The following AGO3 variants were observed in gnomAD, a reference collection of about 807,000 sequenced individuals.
AGO3 encodes argonaute RISC catalytic component 3, also known as protein argonaute-3.
A neutral mutation model predicts 105.5 loss-of-function variants in AGO3; 16 were observed. The observed-to-expected ratio is 0.15, with a 90% CI of 0.10 to 0.23. The LOEUF (loss-of-function observed/expected upper bound fraction) is 0.23. Ranked by LOEUF, AGO3 falls within the 10% of genes least tolerant of loss-of-function variation. The pLI is 1.00. For synonymous variants in AGO3, 340 were observed against 367.3 expected, an observed-to-expected ratio of 0.93 and a Z score of 0.85; for missense variants, 534 against 1,088.0, an observed-to-expected ratio of 0.49 and a Z score of 7.16.
chr1:36,047,340 A>T (rs1186523128), intron 17 of AGO3, among the ~76,000 whole-genome samples: 1 of 152,102 alleles, frequency 6.6e-6, no homozygotes, highest in Non-Finnish European at 1.5e-5. Flanking sequence ...CAGCTGAAGA[A>T]TTCAATGGAA....
At chr1:36,053,210 G>T (rs544826634) in intron 17 of AGO3, among the ~76,000 whole-genome samples, 1 of 151,328 alleles carries the variant, frequency 6.6e-6, no homozygotes, top group South Asian at 2.1e-4. Context: ...ATATTTCTCC[G>T]ATATATTTAA....
rs1214449586 is a variant in AGO3 at position 35,932,660 on chromosome 1, G to A, written c.19+1215G>A. ...CCATTGTTTCGCTTTCCCCCATATC[G>A]TCTTAAAAGGTCTGTCTGGATTGTG... On this transcript the variant is annotated intron_variant, in intron 1 of 18. Transcript: ENST00000373191. 1.3e-5 allele frequency among the ~76,000 whole-genome samples: 2 copies of A among 149,320 alleles called. 1 individual carries two copies. The highest frequency in any genetic ancestry group is 1.3e-4 in the Admixed American group (2 of 14,874).
At chr1:35,939,419 GA>G (rs1192744145) in intron 1 of AGO3, among the ~76,000 whole-genome samples, 1 of 152,146 alleles carries the variant, frequency 6.6e-6, no homozygotes, top group African/African-American at 2.4e-5. Flanking sequence ...GGGTTTTAGA[GA>G]CAGATTCTGG....
intron 4 of AGO3, among the ~76,000 whole-genome samples, chr1:35,972,568 A>G (rs1571451955): frequency 6.6e-6 from 1 of 152,200 alleles, no homozygotes; most frequent in South Asian, 2.1e-4. Context: ...CACTGTTTAT[A>G]CAACAATATC....
chr1:36,047,252 A>G (rs1340275183), intron 17 of AGO3, among the ~76,000 whole-genome samples: 1 of 152,088 alleles, frequency 6.6e-6, no homozygotes, highest in East Asian at 1.9e-4. Flanking sequence ...TAAAAAAAAG[A>G]TCGGGAAAGC....
chr1:36,032,111 A>G (rs944255476), intron 12 of AGO3, among the ~76,000 whole-genome samples: 2 of 151,824 alleles, frequency 1.3e-5, no homozygotes, highest in African/African-American at 4.8e-5. Flanking sequence ...TCTATTTTTA[A>G]TTTTCTGAGG....
intron 5 of AGO3, among the ~76,000 whole-genome samples, chr1:35,976,930 G>C (rs893681250): frequency 1.3e-5 from 2 of 152,088 alleles, no homozygotes; most frequent in African/African-American, 4.8e-5. Context: ...AAATAGTATT[G>C]ATATTATCAG....
At chr1:36,012,255 G>T (rs1233301391) in intron 9 of AGO3, among the ~76,000 whole-genome samples, 1 of 151,288 alleles carries the variant, frequency 6.6e-6, no homozygotes, top group Non-Finnish European at 1.5e-5. Flanking sequence ...GATCGCTTGG[G>T]CCCCAGGAGA....
intron 2 of AGO3, among the ~76,000 whole-genome samples, chr1:35,962,572 A>G (rs1254535769): frequency 6.6e-6 from 1 of 151,872 alleles, no homozygotes; most frequent in Non-Finnish European, 1.5e-5. Context: ...AAGAAAGAAA[A>G]CATCTTGTAC....
At chr1:35,937,271 C>T (rs1321476759) in intron 1 of AGO3, among the ~76,000 whole-genome samples, 5 of 151,682 alleles carry the variant, frequency 3.3e-5, no homozygotes, top group Admixed American at 6.6e-5. Flanking sequence ...GGCATAGTGG[C>T]GGGTGCCTGT....
At chr1:36,003,709 A>AAAAATATATATATATAT (rs1295618675) in intron 5 of AGO3, among the ~76,000 whole-genome samples, 2 of 99,426 alleles carry the variant, frequency 2.0e-5, no homozygotes, top group South Asian at 7.6e-4. Flanking sequence ...AAAAAAAAAA[A>AAAAATATATATATATAT]ATATATATAT....
intron 5 of AGO3, among the ~76,000 whole-genome samples, chr1:36,003,709 A>AAAAAAAATATATATATATATATATAT (rs1295618675): frequency 1.0e-5 from 1 of 99,446 alleles, no homozygotes; most frequent in Non-Finnish European, 1.9e-5. Context: ...AAAAAAAAAA[A>AAAAAAAATATATATATATATATATAT]ATATATATAT....
At chr1:35,999,767 T>C (rs1322249988) in intron 5 of AGO3, among the ~76,000 whole-genome samples, 3 of 152,212 alleles carry the variant, frequency 2.0e-5, no homozygotes, top group African/African-American at 7.2e-5. Context: ...AGATTTTTAT[T>C]GGGTTTTCTA....
intron 1 of AGO3, among the ~76,000 whole-genome samples, chr1:35,935,871 A>T (rs900105438): frequency 3.3e-5 from 5 of 152,254 alleles, no homozygotes; most frequent in Admixed American, 6.5e-5. Context: ...CTAGAATCTT[A>T]AAAAGTAATT....
chr1:35,937,344 A>G (rs891768527), intron 1 of AGO3, among the ~76,000 whole-genome samples: 8 of 151,512 alleles, frequency 5.3e-5, no homozygotes, highest in Non-Finnish European at 1.2e-4. Flanking sequence ...TGGACATTGC[A>G]GTGAGTTGAG....
intron 3 of AGO3, among the ~76,000 whole-genome samples, chr1:35,969,667 T>C (rs1028022501): frequency 1.3e-5 from 2 of 152,174 alleles, no homozygotes; most frequent in African/African-American, 4.8e-5. Context: ...ACAATGGGGA[T>C]ATGCTCTGCG....
At chr1:36,003,709 A>AAAAAATATATATATAT (rs1295618675) in intron 5 of AGO3, among the ~76,000 whole-genome samples, 2 of 99,440 alleles carry the variant, frequency 2.0e-5, no homozygotes, top group Non-Finnish European at 1.9e-5. Context: ...AAAAAAAAAA[A>AAAAAATATATATATAT]ATATATATAT....
At chr1:35,991,535 TTATA>T (rs138153778) in intron 5 of AGO3, among the ~76,000 whole-genome samples, 22 of 145,758 alleles carry the variant, frequency 1.5e-4, no homozygotes, top group African/African-American at 5.3e-4. Context: ...GGAGCAAATT[TTATA>T]TATATATATA....
At chr1:35,973,618 T>G in intron 5 of AGO3, 107 bp downstream of exon 5, 1 of 1,198,768 alleles carries the variant, frequency 8.3e-7, no homozygotes, top group Non-Finnish European at 1.1e-6. Context: ...AAGTAATATT[T>G]GGACATGTAT....
Sources: gnomAD v4.1 joint callset for allele counts (sites outside exome capture counted in the v4.1 genomes callset) on GRCh38, gnomAD v4.1.1 for gene constraint, MANE v1.5 for transcripts, NCBI Gene and HGNC (gene_info 2026-07-23, HGNC 2026-07-21) for gene names.